Variants in MAD1L1 observed in about 807,000 individuals in gnomAD.
MAD1L1 encodes mitotic spindle assembly checkpoint protein MAD1.
A neutral mutation model predicts 96.9 loss-of-function variants in MAD1L1; 95 were observed. That is an observed-to-expected ratio of 0.98 (90% CI 0.83 to 1.16). The LOEUF (loss-of-function observed/expected upper bound fraction) is 1.16, where lower values mean the gene tolerates loss of function less well. MAD1L1 is among the 50% of genes most tolerant of loss of function. The pLI is 0.00. For missense variants in MAD1L1, 1,007 were observed against 954.4 expected, an observed-to-expected ratio of 1.06 and a Z score of -0.73; for synonymous variants, 473 against 396.6, an observed-to-expected ratio of 1.19 and a Z score of -2.29.
At chr7:1,967,178 G>A (rs1233400388) in intron 15 of MAD1L1, among the ~76,000 whole-genome samples, 2 of 152,208 alleles carry the variant, frequency 1.3e-5, no homozygotes, top group Non-Finnish European at 2.9e-5. Flanking sequence ...GACTTCAAGT[G>A]GGATGAGGCT....
At chr7:2,160,220 T>A (rs945261526) in intron 10 of MAD1L1, among the ~76,000 whole-genome samples, 5 of 141,234 alleles carry the variant, frequency 3.5e-5, no homozygotes, top group Non-Finnish European at 7.6e-5. Context: ...ACAGACAGAA[T>A]GATACCCTGT....
intron 18 of MAD1L1, among the ~76,000 whole-genome samples, chr7:1,850,319 TCTATCTTACGAGGCGCCCAC>T (rs970154484): frequency 6.6e-6 from 1 of 152,102 alleles, no homozygotes; most frequent in African/African-American, 2.4e-5. Context: ...CCACAAGAGT[TCTATCTTACGAGGCGCCCAC>T]CCTGCCTCCT....
At chr7:1,909,922 G>C (rs958941965) in intron 17 of MAD1L1, among the ~76,000 whole-genome samples, 3 of 152,152 alleles carry the variant, frequency 2.0e-5, no homozygotes. Context: ...GCCGCTCCCT[G>C]GCCCACCACC....
At chr7:1,958,021 C>T (rs1401279103) in intron 15 of MAD1L1, among the ~76,000 whole-genome samples, 1 of 152,182 alleles carries the variant, frequency 6.6e-6, no homozygotes, top group African/African-American at 2.4e-5. Flanking sequence ...CGAGGCAGGA[C>T]GCCTGGGAGT....
chr7:2,057,551 A>C (rs1006267635), intron 12 of MAD1L1, among the ~76,000 whole-genome samples: 4 of 150,154 alleles, frequency 2.7e-5, no homozygotes, highest in Admixed American at 1.3e-4. Context: ...TTGGGGAATG[A>C]AACATTAATG....
chr7:2,214,574 C>T (rs1490783957), intron 9 of MAD1L1, among the ~76,000 whole-genome samples: 2 of 152,136 alleles, frequency 1.3e-5, no homozygotes, highest in South Asian at 2.1e-4. Flanking sequence ...CCACAACCAC[C>T]GGAGAAAGGC....
At chr7:1,888,512 G>A (rs944585881) in intron 18 of MAD1L1, among the ~76,000 whole-genome samples, 1 of 148,188 alleles carries the variant, frequency 6.7e-6, no homozygotes, top group Non-Finnish European at 1.5e-5. Flanking sequence ...GCCTGTTCGT[G>A]TGTGTGCATG....
chr7:2,010,135 T>C (rs1460487104), intron 13 of MAD1L1, among the ~76,000 whole-genome samples: 1 of 150,238 alleles, frequency 6.7e-6, no homozygotes, highest in East Asian at 2.0e-4. Flanking sequence ...TCTCAAGTTC[T>C]TTCAATGAGG....
chr7:1,832,692 T>C (rs577957446), intron 18 of MAD1L1, among the ~76,000 whole-genome samples: 4 of 34,330 alleles, frequency 1.2e-4, no homozygotes, highest in African/African-American at 2.1e-4. Context: ...AGTGCAGTGA[T>C]GTGATCTCAG....
intron 15 of MAD1L1, among the ~76,000 whole-genome samples, chr7:1,966,555 C>A (rs2128477595): frequency 1.6e-5 from 1 of 63,452 alleles, no homozygotes; most frequent in East Asian, 5.0e-4. Context: ...ATATCCCAAA[C>A]TTGGCAAAAA....
chr7:2,056,391 G>A (rs56278483), intron 12 of MAD1L1, among the ~76,000 whole-genome samples: 19,954 of 148,506 alleles, frequency 0.13, 1,890 homozygotes, highest in African/African-American at 0.27. Flanking sequence ...GAGGGATGGA[G>A]GCCCTCTGCT....
intron 12 of MAD1L1, among the ~76,000 whole-genome samples, chr7:2,020,815 G>C (rs1782755614): frequency 6.6e-6 from 1 of 151,694 alleles, no homozygotes; most frequent in Non-Finnish European, 1.5e-5. Context: ...CTACGGTGCA[G>C]TGGCACAATC....
chr7:2,053,272 C>T (rs543239659), intron 12 of MAD1L1, among the ~76,000 whole-genome samples: 31 of 152,276 alleles, frequency 2.0e-4, no homozygotes, highest in African/African-American at 6.5e-4. Flanking sequence ...CCCATGCAGA[C>T]GGTGAGGCTG....
chr7:2,177,671 T>C (rs1015324551), intron 10 of MAD1L1, among the ~76,000 whole-genome samples: 15 of 152,242 alleles, frequency 9.9e-5, no homozygotes, highest in African/African-American at 3.6e-4. Flanking sequence ...TTGAAAATTA[T>C]ATAAAACCTC....
chr7:2,221,668 A>G (rs1047983721), intron 5 of MAD1L1, among the ~76,000 whole-genome samples: 4 of 152,226 alleles, frequency 2.6e-5, no homozygotes, highest in African/African-American at 9.6e-5. Flanking sequence ...CCAGGACTGC[A>G]GTTCACACAG....
At chr7:1,871,871 G>A (rs1350003837) in intron 18 of MAD1L1, among the ~76,000 whole-genome samples, 1 of 152,194 alleles carries the variant, frequency 6.6e-6, no homozygotes, top group African/African-American at 2.4e-5. Context: ...GACATGGAGG[G>A]GACAGGGTCT....
intron 14 of MAD1L1, 88 bp from the exon 15 acceptor site, chr7:1,980,629 C>A: frequency 9.8e-7 from 1 of 1,020,692 alleles, no homozygotes; most frequent in African/African-American, 1.6e-5. Flanking sequence ...GAGACCACCC[C>A]TGGCAGCACC....
intron 14 of MAD1L1, 31 bp from the exon 15 acceptor site, chr7:1,980,572 A>G (rs1458114023): frequency 1.3e-6 from 2 of 1,570,450 alleles, no homozygotes; most frequent in Non-Finnish European, 8.7e-7. Context: ...GAGGGTCAGC[A>G]GACACGAGCG....
Position 1,918,702 on chromosome 7 carries a change from A to T in MAD1L1, c.1807+17985T>A, listed in dbSNP as rs1312784662. 5.9e-5 allele frequency among the ~76,000 whole-genome samples: 9 copies of T among 152,354 alleles called. No homozygotes were observed. The East Asian group carries it at 1.7e-3, about 29-fold the overall frequency. On this transcript the variant is annotated intron_variant, in intron 17 of 18. Coordinates refer to ENST00000265854, the MANE Select transcript of MAD1L1 (RefSeq NM_001013836.2). ...CCCAACACCAACACCAAAGAACAGC[A>T]TGGAGAGAAGGGCCTAGGGTGTTTA...
Sources: allele counts gnomAD v4.1 joint callset (sites outside exome capture counted in the v4.1 genomes callset), GRCh38; gene constraint gnomAD v4.1.1; transcripts MANE v1.5; gene names NCBI Gene and HGNC (gene_info 2026-07-23, HGNC 2026-07-21).